The following GPD1L variants were observed in gnomAD, a reference collection of about 807,000 sequenced individuals.
GPD1L encodes the protein glycerol-3-phosphate dehydrogenase 1-like protein.
Under a neutral mutation model 32.9 loss-of-function variants are expected in GPD1L, and 17 were observed. The observed-to-expected ratio is 0.52, with a 90% CI of 0.35 to 0.78. GPD1L has a LOEUF of 0.78. Among genes scored for constraint, GPD1L ranks in the 30% least tolerant of loss-of-function variants. The pLI, the probability that GPD1L is intolerant of heterozygous loss-of-function variation, is 0.01. For synonymous variants in GPD1L, 187 were observed against 165.9 expected (o/e 1.13, Z -0.98); for missense variants, 361 against 447.8 (o/e 0.81, Z 1.75).
chr3:32,134,863 T>C (rs149261861), intron 2 of GPD1L, among the ~76,000 whole-genome samples: 78 of 152,338 alleles, frequency 5.1e-4, no homozygotes, highest in Middle Eastern at 6.8e-3. Flanking sequence ...CACGGGTAGA[T>C]TTTTCTGATG....
At chr3:32,120,484 G>A (rs1700396658) in intron 1 of GPD1L, among the ~76,000 whole-genome samples, 1 of 152,158 alleles carries the variant, frequency 6.6e-6, no homozygotes, top group Non-Finnish European at 1.5e-5. Flanking sequence ...GATCTGATTA[G>A]TCAAGGTGGT....
chr3:32,140,210 T>C lies in GPD1L; in HGVS notation c.367-18T>C, dbSNP rs771567025. The C allele has an allele frequency of 6.2e-7, 1 of 1,613,926 alleles. No homozygotes were observed. The highest frequency in any genetic ancestry group is 1.1e-5 in the South Asian group (1 of 91,066). ...ATTTGGCGGTTTGTTCTCTCCTAAC[T>C]TCTTGGCATCCTTGTAGGGCATAGA... On this transcript the variant is annotated intron_variant, in intron 3 of 7. Coordinates refer to ENST00000282541, the MANE Select transcript of GPD1L (RefSeq NM_015141.4).
intron 1 of GPD1L, among the ~76,000 whole-genome samples, chr3:32,118,974 C>A (rs1236072179): frequency 6.6e-6 from 1 of 152,126 alleles, no homozygotes; most frequent in Non-Finnish European, 1.5e-5. Context: ...GGATAATATC[C>A]CATTGCATGT....
At chr3:32,162,732 C>T (rs1320680044) in intron 7 of GPD1L, among the ~76,000 whole-genome samples, 1 of 152,110 alleles carries the variant, frequency 6.6e-6, no homozygotes, top group Non-Finnish European at 1.5e-5. Flanking sequence ...GGGAGGAGGG[C>T]ACAATTCAGC....
intron 1 of GPD1L, among the ~76,000 whole-genome samples, chr3:32,108,056 T>C (rs1700189815): frequency 6.6e-6 from 1 of 152,178 alleles, no homozygotes; most frequent in African/African-American, 2.4e-5. Flanking sequence ...GCCTAAAAAC[T>C]AATTTTTAAA....
At chr3:32,119,120 G>A (rs1015452326) in intron 1 of GPD1L, among the ~76,000 whole-genome samples, 1 of 152,092 alleles carries the variant, frequency 6.6e-6, no homozygotes, top group Non-Finnish European at 1.5e-5. Context: ...CAATTCTTTG[G>A]GGTATATACC....
At chr3:32,114,152 G>A (rs1405124009) in intron 1 of GPD1L, among the ~76,000 whole-genome samples, 1 of 152,206 alleles carries the variant, frequency 6.6e-6, no homozygotes, top group Admixed American at 6.5e-5. Flanking sequence ...ACCACACCCA[G>A]CCTGGCTGGG....
At chr3:32,108,786 G>C (rs936288990) in intron 1 of GPD1L, among the ~76,000 whole-genome samples, 4 of 152,226 alleles carry the variant, frequency 2.6e-5, no homozygotes, top group African/African-American at 9.6e-5. Flanking sequence ...ATATTTAATA[G>C]AGTTGGTAGC....
At chr3:32,157,160 G>A (rs2125496881) in intron 5 of GPD1L, among the ~76,000 whole-genome samples, 1 of 152,142 alleles carries the variant, frequency 6.6e-6, no homozygotes, top group East Asian at 1.9e-4. Flanking sequence ...TTTGGGCCCA[G>A]CTCAGATGCC....
intron 5 of GPD1L, among the ~76,000 whole-genome samples, chr3:32,154,640 C>CT (rs1315329997): frequency 5.9e-5 from 9 of 152,286 alleles, no homozygotes; most frequent in Non-Finnish European, 8.8e-5. Flanking sequence ...ATAATAGGAC[C>CT]TGCCCTGTGA....
At position 32,115,944 on chromosome 3, in the gene GPD1L, C is replaced by T. The variant is rs556158043; in HGVS notation, c.47+9186C>T. 4.6e-5 allele frequency among the ~76,000 whole-genome samples: 7 copies of T among 151,982 alleles called. No homozygotes were observed. The East Asian group carries it at 1.2e-3, about 25-fold the overall frequency. On this transcript the variant is annotated intron_variant, in intron 1 of 7. Coordinates refer to ENST00000282541, the MANE Select transcript of GPD1L (RefSeq NM_015141.4). The stretch of plus-strand genomic sequence containing the variant: ...CTGGGACTGCAGGCATGTGCCACCA[C>T]GCCAGGCTAATTTTTTTGTATTTTT...
intron 1 of GPD1L, among the ~76,000 whole-genome samples, chr3:32,124,680 C>T (rs754368236): frequency 2.0e-5 from 3 of 152,190 alleles, no homozygotes; most frequent in Non-Finnish European, 4.4e-5. Context: ...AATCCTAACA[C>T]CTTGGGAGGC....
intron 1 of GPD1L, among the ~76,000 whole-genome samples, chr3:32,121,623 A>T (rs1700418163): frequency 8.0e-5 from 6 of 75,206 alleles, no homozygotes; most frequent in African/African-American, 3.7e-4. Context: ...TTCTATATAT[A>T]TTATATATAT....
intron 2 of GPD1L, among the ~76,000 whole-genome samples, chr3:32,137,961 A>G (rs74850721): frequency 0.03 from 4,502 of 152,300 alleles, 315 homozygotes; most frequent in East Asian, 0.25. Flanking sequence ...TACCACCCCT[A>G]AAAGGGTCAG....
intron 1 of GPD1L, among the ~76,000 whole-genome samples, chr3:32,111,821 T>G (rs1224594637): frequency 1.3e-5 from 2 of 152,086 alleles, no homozygotes; most frequent in East Asian, 3.9e-4. Flanking sequence ...CTGTCTTTTT[T>G]TTTTTTTTGG....
intron 7 of GPD1L, among the ~76,000 whole-genome samples, chr3:32,164,274 T>G (rs1424106100): frequency 2.0e-5 from 3 of 152,188 alleles, no homozygotes; most frequent in Non-Finnish European, 2.9e-5. Context: ...CAGGGAAACA[T>G]AGCATGGAAG....
intron 5 of GPD1L, among the ~76,000 whole-genome samples, chr3:32,155,523 G>A (rs546343652): frequency 6.6e-6 from 1 of 152,232 alleles, no homozygotes; most frequent in African/African-American, 2.4e-5. Context: ...TGATGGAGGG[G>A]GAAATAGGGA....
rs72558074 is a variant in GPD1L at position 32,165,970 on chromosome 3, C to T, written c.*60C>T. ...CTTTCTGATCAATCTTTTGGGTTCACGTGGAAACCAGGACTTGGCAACATG... is the reference window on the plus strand; with the variant it reads ...CTTTCTGATCAATCTTTTGGGTTCATGTGGAAACCAGGACTTGGCAACATG... On this transcript the variant is annotated 3_prime_UTR_variant, in exon 8 of 8. Transcript: ENST00000282541. The T allele has an allele frequency of 2.7e-4, 255 of 928,152 alleles. No individual in the cohort carries two copies. The East Asian group carries it at 5.7e-3, about 21-fold the overall frequency. 57.5% of individuals were successfully genotyped at this position (928,152 alleles called of 1,614,324 possible). A position where few individuals can be genotyped will look rare whatever the true frequency, so the allele number is the denominator to read the frequency against.
chr3:32,118,833 C>G (rs974371497), intron 1 of GPD1L, among the ~76,000 whole-genome samples: 3 of 152,196 alleles, frequency 2.0e-5, no homozygotes, highest in African/African-American at 7.2e-5. Context: ...ATGAATTTGA[C>G]TACTCTAAGT....
Sources: gnomAD v4.1 joint callset for allele counts (sites outside exome capture counted in the v4.1 genomes callset) on GRCh38, gnomAD v4.1.1 for gene constraint, MANE v1.5 for transcripts, NCBI Gene and HGNC (gene_info 2026-07-23, HGNC 2026-07-21) for gene names.